Variants in ASIC2 observed in about 807,000 individuals in gnomAD.
The protein encoded by ASIC2 is acid sensing ion channel subunit 2.
In ASIC2, 25 loss-of-function variants were observed where a neutral mutation model predicts 57.3. The ratio of observed to expected loss-of-function variants is 0.44; its 90% confidence interval spans 0.32 to 0.61. The LOEUF (loss-of-function observed/expected upper bound fraction) is 0.61, where lower values mean the gene tolerates loss of function less well. Among genes scored for constraint, ASIC2 ranks in the 20% least tolerant of loss-of-function variants. The probability of loss-of-function intolerance (pLI) is 0.06; values close to 1 mark genes in which losing one functional copy is unlikely to be tolerated. For missense variants in ASIC2, 641 were observed against 738.1 expected, an observed-to-expected ratio of 0.87 and a Z score of 1.52; for synonymous variants, 319 against 307.5, an observed-to-expected ratio of 1.04 and a Z score of -0.39.
intron 1 of ASIC2, among the ~76,000 whole-genome samples, chr17:33,591,168 G>C (rs1904812870): frequency 6.6e-6 from 1 of 152,186 alleles, no homozygotes; most frequent in Non-Finnish European, 1.5e-5. Context: ...TTTCATTTGG[G>C]AAAGCTGTCT....
At chr17:33,093,636 G>A (rs2092166340) in intron 2 of ASIC2, among the ~76,000 whole-genome samples, 1 of 152,148 alleles carries the variant, frequency 6.6e-6, no homozygotes, top group Non-Finnish European at 1.5e-5. Flanking sequence ...TTTTCCAAGA[G>A]CTTGGCCATA....
chr17:34,085,928 G>A (rs540164611), intron 1 of ASIC2, among the ~76,000 whole-genome samples: 31 of 151,232 alleles, frequency 2.0e-4, no homozygotes, highest in African/African-American at 5.1e-4. Context: ...TTCTTCTCTC[G>A]TTTTTTCTTT....
chr17:33,577,771 A>C (rs1916677657), intron 1 of ASIC2, among the ~76,000 whole-genome samples: 1 of 152,034 alleles, frequency 6.6e-6, no homozygotes, highest in African/African-American at 2.4e-5. Flanking sequence ...CTGTGTTCAC[A>C]CCATGTTCCA....
chr17:33,307,606 G>A (rs1051170645), intron 1 of ASIC2, among the ~76,000 whole-genome samples: 3 of 152,074 alleles, frequency 2.0e-5, no homozygotes, highest in Non-Finnish European at 2.9e-5. Context: ...CAGCACACCC[G>A]ACCTTCTACT....
chr17:33,042,717 C>T lies in ASIC2; in HGVS notation c.988-14325G>A, dbSNP rs117762459. Among the ~76,000 whole-genome samples, 33 of 152,260 alleles carry T rather than the reference C, an allele frequency of 2.2e-4. No individual in the cohort carries two copies. The East Asian group carries it at 6.2e-3, about 29-fold the overall frequency. ...CAGCAGATCATACTTTTTGCAACCA[C>T]CTGAGACTGCTTTGTCTAAAGAAAG... On this transcript the variant is annotated intron_variant, in intron 3 of 9. Coordinates refer to ENST00000225823, the MANE Select transcript of ASIC2 (RefSeq NM_183377.2).
At chr17:33,325,333 A>T (rs1281123272) in intron 1 of ASIC2, among the ~76,000 whole-genome samples, 1 of 152,232 alleles carries the variant, frequency 6.6e-6, no homozygotes. Flanking sequence ...AAGGCTCTGC[A>T]GAGGAGACAA....
At chr17:33,146,111 A>G (rs995745596) in intron 1 of ASIC2, among the ~76,000 whole-genome samples, 20 of 152,226 alleles carry the variant, frequency 1.3e-4, no homozygotes, top group African/African-American at 2.4e-4. Context: ...GGCAGGTGCT[A>G]TATTTCATGA....
At chr17:33,171,564 C>A (rs1185826511) in intron 1 of ASIC2, among the ~76,000 whole-genome samples, 1 of 152,170 alleles carries the variant, frequency 6.6e-6, no homozygotes, top group South Asian at 2.1e-4. Flanking sequence ...GTCTGTTATC[C>A]ATTACTCAAC....
intron 1 of ASIC2, among the ~76,000 whole-genome samples, chr17:34,030,599 T>C (rs1199183826): frequency 6.6e-6 from 1 of 152,130 alleles, no homozygotes; most frequent in Non-Finnish European, 1.5e-5. Flanking sequence ...GGAATTTCCT[T>C]TCCTACTCAA....
At chr17:33,295,087 C>T, upstream of ASIC2, among the ~76,000 whole-genome samples, 1 of 152,330 alleles carries the variant, frequency 6.6e-6, no homozygotes, top group South Asian at 2.1e-4. Flanking sequence ...GCATGAAGCT[C>T]TATTTTATAA....
intron 3 of ASIC2, among the ~76,000 whole-genome samples, chr17:33,036,256 A>G (rs1015736587): frequency 1.3e-5 from 2 of 152,234 alleles, no homozygotes; most frequent in Non-Finnish European, 2.9e-5. Flanking sequence ...AGTTTCAGGA[A>G]GGTTAAGTAG....
chr17:33,677,484 C>G (rs1260930555), intron 1 of ASIC2, among the ~76,000 whole-genome samples: 2 of 152,140 alleles, frequency 1.3e-5, no homozygotes, highest in African/African-American at 4.8e-5. Flanking sequence ...CCTGATGAAT[C>G]CGGGCAAAGT....
chr17:34,038,460 G>A lies in ASIC2; in HGVS notation c.555+117518C>T, dbSNP rs1467887906. 5.0e-6 allele frequency: 8 copies of A among 1,612,008 alleles called. No homozygotes were observed. In the Middle Eastern group the frequency reaches 6.4e-4, roughly 128 times the overall value. ...TCATCTCTCCAGTTTTTATTTAACT[G>A]GTGAATTTTCACAGCTACGTATCTT... On this transcript the variant is annotated intron_variant, in intron 1 of 9. Transcript: ENST00000359872.
intron 1 of ASIC2, among the ~76,000 whole-genome samples, chr17:33,239,946 C>A (rs140199657): frequency 2.0e-5 from 3 of 152,202 alleles, no homozygotes; most frequent in Admixed American, 6.5e-5. Context: ...TACTTCCCCC[C>A]ACGCTGCTGC....
intron 1 of ASIC2, among the ~76,000 whole-genome samples, chr17:33,454,128 T>G (rs1452192732): frequency 6.6e-6 from 1 of 152,242 alleles, no homozygotes; most frequent in Non-Finnish European, 1.5e-5. Flanking sequence ...GCATTTCCTT[T>G]TCTCTCATGG....
intron 1 of ASIC2, among the ~76,000 whole-genome samples, chr17:33,170,812 C>A (rs1216268183): frequency 6.6e-6 from 1 of 152,224 alleles, no homozygotes; most frequent in Non-Finnish European, 1.5e-5. Flanking sequence ...ATATTCCCAT[C>A]AAATATTCAC....
intron 1 of ASIC2, among the ~76,000 whole-genome samples, chr17:33,983,801 A>G (rs193095105): frequency 2.6e-5 from 4 of 152,280 alleles, no homozygotes; most frequent in Admixed American, 1.3e-4. Context: ...TTCAGTGGTT[A>G]CCACCTGGGG....
At chr17:33,177,183 C>T (rs1905793293) in intron 1 of ASIC2, among the ~76,000 whole-genome samples, 1 of 152,184 alleles carries the variant, frequency 6.6e-6, no homozygotes, top group Non-Finnish European at 1.5e-5. Context: ...CCAATCCTTG[C>T]AGAGGGATCC....
chr17:34,143,356 T>C (rs1399314755), intron 1 of ASIC2, among the ~76,000 whole-genome samples: 1 of 152,226 alleles, frequency 6.6e-6, no homozygotes, highest in Non-Finnish European at 1.5e-5. Context: ...AAAACTCATG[T>C]TGAAGCTTGG....
Sources: gnomAD v4.1 joint callset for allele counts (sites outside exome capture counted in the v4.1 genomes callset) on GRCh38, gnomAD v4.1.1 for gene constraint, MANE v1.5 for transcripts, NCBI Gene and HGNC (gene_info 2026-07-23, HGNC 2026-07-21) for gene names.